Variants in LIMCH1 observed in about 807,000 individuals in gnomAD.
LIMCH1 encodes LIM and calponin homology domains-containing protein 1.
LIMCH1 carries 113 observed loss-of-function variants against 176.5 expected under a neutral mutation model. That is an observed-to-expected ratio of 0.64 (90% confidence interval 0.55 to 0.75). LIMCH1 has a LOEUF of 0.75. Among genes scored for constraint, LIMCH1 ranks in the 30% least tolerant of loss-of-function variants. LIMCH1 has a pLI of 0.00. For missense variants in LIMCH1, 1,674 were observed against 1,814.9 expected, an observed-to-expected ratio of 0.92 and a Z score of 1.41; for synonymous variants, 619 against 645.9, an observed-to-expected ratio of 0.96 and a Z score of 0.63.
intron 1 of LIMCH1, among the ~76,000 whole-genome samples, chr4:41,447,754 C>T (rs1267812628): frequency 2.6e-5 from 4 of 152,058 alleles, no homozygotes; most frequent in East Asian, 3.9e-4. Flanking sequence ...GTGACCTTCA[C>T]GAGGGTAATG....
At chr4:41,633,409 C>T (rs978017691) in intron 12 of LIMCH1, 139 bp from the exon 13 acceptor site, 2 of 1,012,914 alleles carry the variant, frequency 2.0e-6, no homozygotes, top group Admixed American at 5.4e-5. Context: ...AGGGAGATTT[C>T]CTGCTCAGCT....
At chr4:41,631,506 A>G (rs1054624350) in intron 10 of LIMCH1, 29 bp downstream of exon 10, 12 of 1,466,526 alleles carry the variant, frequency 8.2e-6, no homozygotes, top group Middle Eastern at 1.8e-4. Context: ...GTGCAAGGAT[A>G]TCTGCATGGG....
intron 1 of LIMCH1, among the ~76,000 whole-genome samples, chr4:41,583,600 G>A (rs1218927926): frequency 6.6e-6 from 1 of 151,950 alleles, no homozygotes; most frequent in African/African-American, 2.4e-5. Flanking sequence ...TTCCACTTGT[G>A]CATGATTACA....
chr4:41,395,170 A>ATAGAC, intron 1 of LIMCH1, among the ~76,000 whole-genome samples: 1 of 151,808 alleles, frequency 6.6e-6, no homozygotes. Context: ...CTATAATTTG[A>ATAGAC]TAGACTATTT....
intron 1 of LIMCH1, among the ~76,000 whole-genome samples, chr4:41,371,752 C>T (rs1391486444): frequency 4.6e-5 from 7 of 152,212 alleles, no homozygotes; most frequent in Non-Finnish European, 1.0e-4. Context: ...ATAGTGCCCA[C>T]ATGATAGTTC....
intron 20 of LIMCH1, among the ~76,000 whole-genome samples, chr4:41,664,360 A>G (rs10017888): frequency 0.052 from 7,923 of 152,298 alleles, 439 homozygotes; most frequent in African/African-American, 0.14. Flanking sequence ...AACAGTGAAC[A>G]TGATGCACTC....
In LIMCH1 at chr4:41,629,659, G is replaced by C; in HGVS notation, c.1196G>C (p.Ser399Thr). 6.5e-7 allele frequency: 1 copy of C among 1,536,060 alleles called. No individual in the cohort carries two copies. The highest frequency in any genetic ancestry group is 8.7e-7 in the Non-Finnish European group (1 of 1,146,908). ...GSLAPHREPP[S>T]FITLSNITEA... ...CTTGCCCCTCACCGCGAGCCCCCGA[G>C]CTTCATTACGCTCTCCAACATAACA... The change falls in exon 9 of 32, where the codon AGC becomes ACC. Residue 399 changes from serine (S) to threonine (T), a missense_variant. Transcript: ENST00000503057.
intron 17 of LIMCH1, 64 bp from the exon 18 acceptor site, chr4:41,650,329 G>T: frequency 8.5e-7 from 1 of 1,178,008 alleles, no homozygotes; most frequent in Non-Finnish European, 1.3e-6. Context: ...TGAACGTGTC[G>T]TTTTGTTACA....
intron 2 of LIMCH1, among the ~76,000 whole-genome samples, chr4:41,507,987 C>T (rs1480989196): frequency 6.6e-6 from 1 of 152,010 alleles, no homozygotes. Flanking sequence ...TCTCTTCTAC[C>T]AGGAAAGAGG....
Position 41,644,442 on chromosome 4 carries a change from C to T in LIMCH1, c.2127-58C>T, listed in dbSNP as rs528048383. On this transcript the variant is annotated intron_variant, in intron 14 of 31. Coordinates refer to ENST00000503057, the MANE Select transcript of LIMCH1 (RefSeq NM_001330672.2). ...CCACGCGGCAGGACGCCCAGGCGCG[C>T]GGAGACGCGACGGGCGCTGATCGCG... 1.3e-5 allele frequency: 18 copies of T among 1,422,912 alleles called. No individual in the cohort carries two copies. The African/African-American group carries it at 2.2e-4, about 18-fold the overall frequency. The allele number at this position is 1,422,912 out of a possible 1,614,324, so 88.1% of individuals were successfully genotyped here.
chr4:41,419,204 G>T (rs2060226079), intron 1 of LIMCH1, among the ~76,000 whole-genome samples: 1 of 151,210 alleles, frequency 6.6e-6, no homozygotes, highest in African/African-American at 2.4e-5. Context: ...TTGAGACGGA[G>T]TCTAGCTCTG....
chr4:41,666,491 A>G, intron 20 of LIMCH1, 70 bp from the exon 21 acceptor site: 1 of 924,874 alleles, frequency 1.1e-6, no homozygotes, highest in Non-Finnish European at 1.8e-6. Flanking sequence ...GGATCCTTAA[A>G]TTGTGTGTCA....
intron 1 of LIMCH1, among the ~76,000 whole-genome samples, chr4:41,551,642 T>G (rs945816216): frequency 6.6e-6 from 1 of 152,200 alleles, no homozygotes; most frequent in Non-Finnish European, 1.5e-5. Flanking sequence ...ATAGTTTTTA[T>G]ATCTTTAAAT....
chr4:41,533,488 C>T (rs2077546610), upstream of LIMCH1, among the ~76,000 whole-genome samples: 1 of 152,162 alleles, frequency 6.6e-6, no homozygotes, highest in Admixed American at 6.5e-5. Context: ...AAAGATAACA[C>T]AGTTTTCCTT....
intron 1 of LIMCH1, among the ~76,000 whole-genome samples, chr4:41,569,154 C>T (rs1404009761): frequency 3.3e-5 from 5 of 152,156 alleles, no homozygotes; most frequent in African/African-American, 2.4e-5. Flanking sequence ...AATAATGCTG[C>T]GTGACCTGTT....
chr4:41,408,673 G>A (rs1048371268), intron 1 of LIMCH1, among the ~76,000 whole-genome samples: 1 of 152,196 alleles, frequency 6.6e-6, no homozygotes, highest in Non-Finnish European at 1.5e-5. Context: ...GTTGTTTCTT[G>A]TGTGATTTTA....
intron 1 of LIMCH1, among the ~76,000 whole-genome samples, chr4:41,362,499 C>T (rs1379933616): frequency 6.6e-6 from 1 of 152,166 alleles, no homozygotes; most frequent in Non-Finnish European, 1.5e-5. Context: ...CTAAAATTCT[C>T]AGGAGAGACT....
In LIMCH1 at chr4:41,684,423, C is replaced by G; in HGVS notation, c.3872C>G (p.Ser1291Cys). ...CTAACTGAAGGGGCCTTGGCTCATT[C>G]TGGGAACCCTGTATCAAAAGGAGTC... ...GSLTEGALAH[S>C]GNPVSKGVHE... is the part of the protein sequence containing the mutation. Residue 1291 changes from serine to cysteine, a missense_variant, in exon 27 of 32, where the codon TCT becomes TGT. This residue lies in a region of LIMCH1 where 1,015 missense variants were observed against 1,102.5 expected (regional missense o/e 0.92). Coordinates refer to ENST00000503057, the MANE Select transcript of LIMCH1 (RefSeq NM_001330672.2). 2 of 1,613,710 alleles carry G rather than the reference C, an allele frequency of 1.2e-6. No homozygotes were observed. Among genetic ancestry groups the G allele is most frequent in the Non-Finnish European group, 1.7e-6 (2 of 1,179,790 alleles).
intron 14 of LIMCH1, among the ~76,000 whole-genome samples, chr4:41,640,082 A>G (rs182437246): frequency 6.6e-6 from 1 of 152,350 alleles, no homozygotes; most frequent in Admixed American, 6.5e-5. Flanking sequence ...CTAAGTGGTC[A>G]AACTCCAGGG....
Sources: gnomAD v4.1 joint callset for allele counts (sites outside exome capture counted in the v4.1 genomes callset) on GRCh38, gnomAD v4.1.1 for gene constraint, gnomAD v4.1.1 regional missense constraint, MANE v1.5 for transcripts, NCBI Gene and HGNC (gene_info 2026-07-23, HGNC 2026-07-21) for gene names.